The following WDR18 variants were observed in gnomAD, a reference collection of about 807,000 sequenced individuals.
WDR18 encodes WD repeat domain 18, also known as WD repeat-containing protein 18.
In WDR18, 33 loss-of-function variants were observed where a neutral mutation model predicts 49.6. The observed-to-expected ratio is 0.67, with a 90% CI of 0.50 to 0.89. The LOEUF is 0.89. Among genes scored for constraint, WDR18 ranks in the 40% least tolerant of loss-of-function variants. WDR18 has a pLI of 0.00. For synonymous variants in WDR18, 315 were observed against 263.6 expected, an observed-to-expected ratio of 1.19 and a Z score of -1.89; for missense variants, 653 against 593.6, an observed-to-expected ratio of 1.10 and a Z score of -1.04.
chr19:985,510 G>A (rs1286896422), intron 1 of WDR18, among the ~76,000 whole-genome samples: 1 of 152,140 alleles, frequency 6.6e-6, no homozygotes, highest in Admixed American at 6.6e-5. Flanking sequence ...GAGGCTTGGG[G>A]TCTTAGGTTG....
chr19:987,675 C>T (rs1290505281), intron 2 of WDR18, among the ~76,000 whole-genome samples: 5 of 152,048 alleles, frequency 3.3e-5, no homozygotes, highest in Non-Finnish European at 7.4e-5. Flanking sequence ...GCCCTGGTTG[C>T]TGTCAGTCTG....
chr19:984,786 T>C (rs2038458065), intron 1 of WDR18, among the ~76,000 whole-genome samples: 1 of 145,152 alleles, frequency 6.9e-6, no homozygotes, highest in Non-Finnish European at 1.5e-5. Flanking sequence ...CCTGAGCTGC[T>C]ATGGGGGCAG....
At position 984,394 on chromosome 19, in the gene WDR18, C is replaced by A; in HGVS notation, c.41C>A (p.Ala14Glu). 2 of 1,601,188 alleles carry A rather than the reference C, an allele frequency of 1.2e-6. No individual in the cohort carries two copies. Among genetic ancestry groups the A allele is most frequent in the Non-Finnish European group, 8.5e-7 (1 of 1,175,588 alleles). Reference protein sequence around the residue: ...PMEVAVCTDSAAPMWSCIVWE... With the variant: ...PMEVAVCTDSEAPMWSCIVWE... Reference sequence around the variant, plus strand: ...GAGGTGGCCGTGTGTACGGACTCGGCGGCCCCGATGTGGAGCTGCATCGTG... The same window carrying A: ...GAGGTGGCCGTGTGTACGGACTCGGAGGCCCCGATGTGGAGCTGCATCGTG... Residue 14 changes from alanine to glutamate, a missense_variant, in exon 1 of 10, where the codon GCG becomes GAG. Transcript: ENST00000585809.
In WDR18 at chr19:994,530, T is replaced by A; in HGVS notation, c.*186T>A. The A allele has an allele frequency of 1.2e-6, 1 of 845,026 alleles. No individual in the cohort carries two copies. Among genetic ancestry groups the A allele is most frequent in the Non-Finnish European group, 1.8e-6 (1 of 564,158 alleles). The allele number at this position is 845,026 out of a possible 1,614,324, so 52.3% of individuals were successfully genotyped here. A position where few individuals can be genotyped will look rare whatever the true frequency, so the allele number is the denominator to read the frequency against. The stretch of plus-strand genomic sequence containing the variant: ...GGCACGCGTCACAGTGGTGCTAGTC[T>A]GTTTTTAACAAAAGAGGATGAAAAG... On this transcript the variant is annotated 3_prime_UTR_variant, in exon 10 of 10. Coordinates refer to ENST00000585809, the MANE Select transcript of WDR18 (RefSeq NM_024100.4).
At chr19:987,010 A>G (rs2038482159) in intron 2 of WDR18, among the ~76,000 whole-genome samples, 1 of 152,034 alleles carries the variant, frequency 6.6e-6, no homozygotes, top group African/African-American at 2.4e-5. Flanking sequence ...CAGAGAACTG[A>G]GAGGGCTGGG....
intron 7 of WDR18, 119 bp from the exon 8 acceptor site, chr19:991,836 C>G: frequency 1.7e-5 from 18 of 1,059,294 alleles, no homozygotes; most frequent in Non-Finnish European, 2.1e-5. Context: ...GGGGCGTGGA[C>G]TGGCTGTGGG....
intron 4 of WDR18, 114 bp from the exon 5 acceptor site, chr19:990,738 C>A: frequency 7.0e-7 from 1 of 1,437,372 alleles, no homozygotes; most frequent in Non-Finnish European, 9.2e-7. Context: ...CCCAAAGTCG[C>A]AAGCCCTAGG....
chr19:994,167 C>T (rs945787755), intron 9 of WDR18, 46 bp from the exon 10 acceptor site: 23 of 1,562,018 alleles, frequency 1.5e-5, no homozygotes, highest in Non-Finnish European at 2.0e-5. Flanking sequence ...CCCCCTCCAG[C>T]ACACCCCAGG....
rs751281256 is a variant in WDR18, at chr19:994,047, A to G, written c.1126A>G (p.Thr376Ala). ...QGSEPSYLDR[T>A]EQLQAVLCST... The stretch of plus-strand genomic sequence containing the variant: ...CTCGGAGCCCAGCTACCTGGACCGC[A>G]CGGAGCAGCTGCAGGCCGTCCTGTG... The change falls in exon 9 of 10, where the codon ACG becomes GCG. Residue 376 changes from threonine (T) to alanine (A), a missense_variant. Physicochemically the swap from Thr to Ala is moderately conservative, Grantham distance 58. Transcript: ENST00000585809. The G allele has an allele frequency of 5.8e-6, 9 of 1,560,438 alleles. No individual in the cohort carries two copies. Among genetic ancestry groups the G allele is most frequent in the African/African-American group, 5.4e-5 (4 of 73,554 alleles).
intron 9 of WDR18, 33 bp downstream of exon 9, chr19:994,121 G>C: frequency 1.3e-6 from 2 of 1,549,650 alleles, no homozygotes; most frequent in South Asian, 1.2e-5. Context: ...CGGGGCCTGA[G>C]GCTGGGGTCA....
intron 2 of WDR18, among the ~76,000 whole-genome samples, chr19:988,270 T>C (rs1259166549): frequency 6.6e-6 from 1 of 152,048 alleles, no homozygotes; most frequent in Non-Finnish European, 1.5e-5. Flanking sequence ...GCGACGGGTG[T>C]GTGAGCGGTG....
intron 8 of WDR18, 118 bp downstream of exon 8, chr19:992,239 A>G (rs1245387808): frequency 7.9e-7 from 1 of 1,263,242 alleles, no homozygotes; most frequent in Non-Finnish European, 1.0e-6. Context: ...CAAGCCCGGC[A>G]CTGGAGGGCG....
In WDR18 at chr19:990,290, A is replaced by G; in HGVS notation, c.523A>G (p.Ile175Val). Residue 175 changes from isoleucine to valine, a missense_variant, in exon 4 of 10, where the codon ATC (isoleucine) becomes GTC (valine). Physicochemically the swap from Ile to Val is conservative, Grantham distance 29. Transcript: ENST00000585809. ...RHVWSHHALP[I>V]TDLHCGFGGP... The stretch of plus-strand genomic sequence containing the variant: ...CGTCTGGTCTCACCACGCGCTCCCC[A>G]TCACGGACCTGCACTGCGGCTTTGG... 1 of 1,599,052 alleles carries G rather than the reference A, an allele frequency of 6.3e-7. No homozygotes were observed. The highest frequency in any genetic ancestry group is 8.5e-7 in the Non-Finnish European group (1 of 1,179,044).
intron 2 of WDR18, among the ~76,000 whole-genome samples, chr19:986,990 GT>G (rs2038481974): frequency 6.6e-6 from 1 of 152,178 alleles, no homozygotes; most frequent in Admixed American, 6.6e-5. Context: ...GCTTCCCTCA[GT>G]GGGCTGCTCA....
At position 989,820 on chromosome 19, in the gene WDR18, T is replaced by G; in HGVS notation, c.380T>G (p.Leu127Arg). The change falls in exon 3 of 10, where the codon CTT (leucine) becomes CGT (arginine). Residue 127 changes from leucine (L) to arginine (R), a missense_variant. Transcript: ENST00000585809. ...LSRHYQDVSC[L>R]QFTGDSSHFI... ...CGACACTACCAGGACGTCTCCTGCC[T>G]TCAGTTCACAGGGGACAGCAGCCAC... is the stretch of plus-strand genomic sequence containing the variant. 2 of 1,612,850 alleles carry G rather than the reference T, an allele frequency of 1.2e-6. No individual in the cohort carries two copies. Among genetic ancestry groups the G allele is most frequent in the Non-Finnish European group, 8.5e-7 (1 of 1,179,856 alleles).
chr19:991,795 C>T (rs373475099), intron 7 of WDR18, among the ~76,000 whole-genome samples, 160 bp from the exon 8 acceptor site: 4,089 of 80,104 alleles, frequency 0.051, 144 homozygotes, highest in East Asian at 0.2. Context: ...TGGCTGGGGG[C>T]GTGGACTGGT....
Position 991,999 on chromosome 19 carries a change from C to T in WDR18, c.976C>T (p.Leu326=), listed in dbSNP as rs769043484. 2 of 1,598,140 alleles carry T rather than the reference C, an allele frequency of 1.3e-6. No individual in the cohort carries two copies. The highest frequency in any genetic ancestry group is 1.7e-5 in the Admixed American group (1 of 59,482). ...AAILLAPVSM[L]SSDFRPSLPL... is the part of the protein sequence containing the mutation. ...CATCCTGCTGGCGCCCGTCAGCATG[C>T]TGAGCTCAGACTTCAGGCCCAGCCT... Residue 326 remains leucine, a synonymous_variant, in exon 8 of 10, where the codon CTG becomes TTG. Transcript: ENST00000585809.
Position 991,360 on chromosome 19 carries a change from G to C in WDR18, c.931+9G>C, listed in dbSNP as rs1203847847. On this transcript the variant is annotated intron_variant, in intron 7 of 9. Coordinates refer to ENST00000585809, the MANE Select transcript of WDR18 (RefSeq NM_024100.4). ...GACGGTGGCCCTCAAAGGTGGGCGCGCCTCTGCTCGGCCCGCGGCCAGCGC... is the reference window on the plus strand; with the variant it reads ...GACGGTGGCCCTCAAAGGTGGGCGCCCCTCTGCTCGGCCCGCGGCCAGCGC... 1.9e-6 allele frequency: 3 copies of C among 1,542,324 alleles called. No individual in the cohort carries two copies. Among genetic ancestry groups the C allele is most frequent in the Non-Finnish European group, 8.7e-7 (1 of 1,144,124 alleles).
chr19:992,613 A>G (rs938162995), intron 8 of WDR18, among the ~76,000 whole-genome samples: 4 of 152,098 alleles, frequency 2.6e-5, no homozygotes, highest in Non-Finnish European at 4.4e-5. Flanking sequence ...GCAGCTCAGC[A>G]CCGACCCCCG....
Sources: allele counts gnomAD v4.1 joint callset (sites outside exome capture counted in the v4.1 genomes callset), GRCh38; gene constraint gnomAD v4.1.1; transcripts MANE v1.5; gene names NCBI Gene and HGNC (gene_info 2026-07-23, HGNC 2026-07-21).